Variants in RHOBTB2 observed in about 807,000 individuals in gnomAD.
RHOBTB2 encodes Rho related BTB domain containing 2, also known as rho-related BTB domain-containing protein 2.
Under a neutral mutation model 66.5 loss-of-function variants are expected in RHOBTB2, and 39 were observed. That is an observed-to-expected ratio of 0.59 (90% CI 0.45 to 0.77). The LOEUF is 0.77. RHOBTB2 is among the 30% of genes least tolerant of loss of function. The probability of loss-of-function intolerance (pLI) is 0.00; values close to 1 mark genes in which losing one functional copy is unlikely to be tolerated. For missense variants in RHOBTB2, 755 were observed against 999.1 expected, an observed-to-expected ratio of 0.76 and a Z score of 3.29; for synonymous variants, 390 against 395.0, an observed-to-expected ratio of 0.99 and a Z score of 0.15.
rs1485067309 is a variant in RHOBTB2 at position 23,006,054 on chromosome 8, C to A, written c.391C>A (p.Pro131Thr). ...MWYPEIKHFC[P>T]RAPVILVGCQ... is the part of the protein sequence containing the mutation. ...GTACCCAGAAATCAAGCACTTCTGCCCCCGAGCACCTGTCATCTTGGTGGG... is the reference window on the plus strand; with the variant it reads ...GTACCCAGAAATCAAGCACTTCTGCACCCGAGCACCTGTCATCTTGGTGGG... The change falls in exon 4 of 10, where the codon CCC becomes ACC. Residue 131 changes from proline (P) to threonine (T), a missense_variant. Transcript: ENST00000251822. The surrounding 1 kb of genome is among the most constrained non-coding windows in gnomAD (Gnocchi z 6.1). 6.2e-7 allele frequency: 1 copy of A among 1,614,120 alleles called. No homozygotes were observed. Among genetic ancestry groups the A allele is most frequent in the Admixed American group, 1.7e-5 (1 of 60,014 alleles).
At position 23,007,574 on chromosome 8, in the gene RHOBTB2, T is replaced by A. The variant is rs1456535989; in HGVS notation, c.1329T>A (p.Arg443=). The A allele has an allele frequency of 6.2e-7, 1 of 1,614,048 alleles. No individual in the cohort carries two copies. Among genetic ancestry groups the A allele is most frequent in the Non-Finnish European group, 8.5e-7 (1 of 1,180,006 alleles). ...LYTGELDENE[R]DLMHIAHIAE... ...CGGGGGAGCTAGATGAGAACGAGCGTGACCTCATGCACATTGCCCACATTG... is the reference window on the plus strand; with the variant it reads ...CGGGGGAGCTAGATGAGAACGAGCGAGACCTCATGCACATTGCCCACATTG... Residue 443 remains arginine (R), a synonymous_variant, in exon 5 of 10, where the codon CGT becomes CGA. Coordinates refer to ENST00000251822, the MANE Select transcript of RHOBTB2 (RefSeq NM_015178.3).
At chr8:23,010,424 G>A (rs1811106712) in intron 6 of RHOBTB2, 114 bp from the exon 7 acceptor site, 2 of 1,219,472 alleles carry the variant, frequency 1.6e-6, no homozygotes, top group Non-Finnish European at 2.3e-6. Context: ...AGGGAAGGCT[G>A]CCCGTCTGGG....
upstream of RHOBTB2, among the ~76,000 whole-genome samples, chr8:22,999,382 C>G (rs1810683683): frequency 6.6e-6 from 1 of 152,094 alleles, no homozygotes; most frequent in African/African-American, 2.4e-5. Flanking sequence ...ACCCGCGAGC[C>G]GAGACCCTCC....
At chr8:22,979,182 A>G in the RHOBTB2 span, among the ~76,000 whole-genome samples, 41 of 152,338 alleles carry the variant, frequency 2.7e-4, no homozygotes, top group African/African-American at 9.4e-4. Flanking sequence ...TACAAGGGAA[A>G]TAAAAGATCT....
At position 23,006,766 on chromosome 8, in the gene RHOBTB2, G is replaced by C. The variant is rs1179551980; in HGVS notation, c.521G>C (p.Gly174Ala). The change falls in exon 5 of 10, where the codon GGT (glycine) becomes GCT (alanine). Residue 174 changes from glycine (G) to alanine (A), a missense_variant. Coordinates refer to ENST00000251822, the MANE Select transcript of RHOBTB2 (RefSeq NM_015178.3). The surrounding 1 kb of genome is among the most constrained non-coding windows in gnomAD (Gnocchi z 6.1). ...AATGAAATCCTGCCCCCAGAGAAGG[G>C]TCGGGAGGTGGCCAAGGAGCTGGGC... ...KPNEILPPEKGREVAKELGIP... is the reference protein window; with the variant it reads ...KPNEILPPEKAREVAKELGIP... The C allele has an allele frequency of 2.5e-6, 4 of 1,613,940 alleles. No homozygotes were observed. The highest frequency in any genetic ancestry group is 2.2e-5 in the South Asian group (2 of 91,074).
At chr8:22,997,894 T>G (rs79337290), upstream of RHOBTB2, among the ~76,000 whole-genome samples, 7,937 of 152,252 alleles carry the variant, frequency 0.052, 667 homozygotes, top group African/African-American at 0.18. Flanking sequence ...ATGGGGTAAG[T>G]CTCTTCAATG....
rs781161375 is a variant in RHOBTB2 at position 23,006,180 on chromosome 8, A to G, written c.482+35A>G. On this transcript the variant is annotated intron_variant, in intron 4 of 9. Coordinates refer to ENST00000251822, the MANE Select transcript of RHOBTB2 (RefSeq NM_015178.3). This position sits in a 1 kb window ranked among gnomAD's most constrained non-coding sequence, Gnocchi z 6.1. Reference sequence around the variant, plus strand: ...GCTGGTACCAAGGAGACAGACATGGATGGGTGCCTCACCATGGCTCCCTGC... The same window carrying G: ...GCTGGTACCAAGGAGACAGACATGGGTGGGTGCCTCACCATGGCTCCCTGC... 3 of 1,569,832 alleles carry G rather than the reference A, an allele frequency of 1.9e-6. No individual in the cohort carries two copies. The highest frequency in any genetic ancestry group is 2.6e-6 in the Non-Finnish European group (3 of 1,148,984).
At chr8:23,005,821 T>C in intron 3 of RHOBTB2, 139 bp from the exon 4 acceptor site, 1 of 760,832 alleles carries the variant, frequency 1.3e-6, no homozygotes, top group Non-Finnish European at 2.2e-6. Flanking sequence ...ATTGTGATTA[T>C]ATGTTTTGTG....
At chr8:23,008,681 G>A (rs1811045577) in intron 6 of RHOBTB2, among the ~76,000 whole-genome samples, 1 of 152,174 alleles carries the variant, frequency 6.6e-6, no homozygotes, top group Non-Finnish European at 1.5e-5. Flanking sequence ...GGTCACATGG[G>A]GAAGCTCTGG....
chr8:23,009,800 A>T (rs143413443), intron 6 of RHOBTB2, among the ~76,000 whole-genome samples: 1 of 152,102 alleles, frequency 6.6e-6, no homozygotes, highest in Non-Finnish European at 1.5e-5. Context: ...AAAATGTGAG[A>T]CTAGGAGCTC....
chr8:22,989,727 G>A (rs1271235397), intron 1 of RHOBTB2, among the ~76,000 whole-genome samples: 2 of 152,220 alleles, frequency 1.3e-5, no homozygotes, highest in East Asian at 1.9e-4. Flanking sequence ...CAAACTAGCC[G>A]TGACTTTGCG....
intron 1 of RHOBTB2, among the ~76,000 whole-genome samples, chr8:22,991,700 G>A (rs1230573801): frequency 1.3e-5 from 2 of 152,194 alleles, no homozygotes; most frequent in African/African-American, 4.8e-5. Context: ...TTGGGGGTCT[G>A]TGTACCAAGA....
At chr8:23,012,216 G>GA (rs1421699832) in intron 7 of RHOBTB2, among the ~76,000 whole-genome samples, 1 of 152,150 alleles carries the variant, frequency 6.6e-6, no homozygotes, top group Non-Finnish European at 1.5e-5. Flanking sequence ...ACCCAAAGGG[G>GA]AAAAATGCAT....
the RHOBTB2 span, among the ~76,000 whole-genome samples, chr8:22,969,480 G>A: frequency 1.0e-3 from 153 of 152,224 alleles, no homozygotes; most frequent in Middle Eastern, 3.4e-3. Flanking sequence ...TGTAAAGACC[G>A]TGAACAAATA....
At chr8:22,979,742 C>CTTTTTTTTTTTT in the RHOBTB2 span, among the ~76,000 whole-genome samples, 2 of 84,106 alleles carry the variant, frequency 2.4e-5, no homozygotes, top group African/African-American at 4.6e-5. Context: ...TCTTTTCTTT[C>CTTTTTTTTTTTT]TTTTTTTTTT....
chr8:22,953,454 G>A, the RHOBTB2 span, among the ~76,000 whole-genome samples: 4 of 152,252 alleles, frequency 2.6e-5, no homozygotes, highest in East Asian at 3.9e-4. Context: ...ACCCTCTCCT[G>A]CCCTGCTCAT....
chr8:22,962,720 A>C, the RHOBTB2 span, among the ~76,000 whole-genome samples: 3 of 152,246 alleles, frequency 2.0e-5, no homozygotes, highest in East Asian at 5.8e-4. Flanking sequence ...CATCAGACAG[A>C]GAGTCTCTGA....
chr8:23,007,262 G>T lies in RHOBTB2; in HGVS notation c.1017G>T (p.Leu339=), dbSNP rs761262371. The T allele has an allele frequency of 4.3e-6, 7 of 1,612,638 alleles. No individual in the cohort carries two copies. In the East Asian group the frequency reaches 1.1e-4, roughly 26 times the overall value. ...ACCACCACCATGGGCGAGACTTCCT[G>T]CTCCGAGCAGCCAGCTTTGACGTGT... The part of the protein sequence containing the change: ...HHHHHHGRDF[L]LRAASFDVCE... The change falls in exon 5 of 10, where the codon CTG becomes CTT. Residue 339 remains leucine (L), a synonymous_variant. Transcript: ENST00000251822.
Position 23,007,583 on chromosome 8 carries a change from G to A in RHOBTB2, c.1338G>A (p.Met446Ile). Residue 446 changes from methionine (M) to isoleucine (I), a missense_variant, in exon 5 of 10, where the codon ATG becomes ATA. Physicochemically the swap from Met to Ile is conservative, Grantham distance 10. This residue lies in a region of RHOBTB2 where 353 missense variants were observed against 458.2 expected (regional missense o/e 0.77). Transcript: ENST00000251822. The stretch of plus-strand genomic sequence containing the variant: ...TAGATGAGAACGAGCGTGACCTCAT[G>A]CACATTGCCCACATTGCTGAGCTGC... ...GELDENERDL[M>I]HIAHIAELLE... 1 of 1,614,216 alleles carries A rather than the reference G, an allele frequency of 6.2e-7. No individual in the cohort carries two copies. The highest frequency in any genetic ancestry group is 1.7e-5 in the Admixed American group (1 of 60,024).
Sources: allele counts gnomAD v4.1 joint callset (sites outside exome capture counted in the v4.1 genomes callset), GRCh38; gene constraint gnomAD v4.1.1; regional missense constraint gnomAD v4.1.1; non-coding constraint Gnocchi (gnomAD v3.1); transcripts MANE v1.5; gene names NCBI Gene and HGNC (gene_info 2026-07-23, HGNC 2026-07-21).